Variants in SPHKAP observed in about 807,000 individuals in gnomAD.
SPHKAP encodes A-kinase anchor protein SPHKAP.
Under a neutral mutation model 137.5 loss-of-function variants are expected in SPHKAP, and 67 were observed. The ratio of observed to expected loss-of-function variants is 0.49; its 90% CI spans 0.40 to 0.60. The LOEUF is 0.60. Ranked by LOEUF, SPHKAP falls within the 20% of genes least tolerant of loss-of-function variation. The pLI, the probability that SPHKAP is intolerant of heterozygous loss-of-function variation, is 0.00. For synonymous variants in SPHKAP, 813 were observed against 785.3 expected, an observed-to-expected ratio of 1.04 and a Z score of -0.59; for missense variants, 2,097 against 2,069.3, an observed-to-expected ratio of 1.01 and a Z score of -0.26.
At chr2:228,110,670 G>A (rs1316551892) in intron 2 of SPHKAP, among the ~76,000 whole-genome samples, 3 of 152,098 alleles carry the variant, frequency 2.0e-5, no homozygotes, top group Non-Finnish European at 4.4e-5. Flanking sequence ...ATATTCTGTG[G>A]AGTTTTCCAG....
Position 228,019,198 on chromosome 2 carries a change from G to A in SPHKAP, c.1656C>T (p.Tyr552=). ...TGCCACACAAAGCAGATGGAAAGGA[G>A]TACTCATTGATGGAAGGTTCCTTGA... ...QGLKEPSINE[Y]SFPSALCGMT... is the part of the protein sequence containing the mutation. Residue 552 remains tyrosine, a synonymous_variant, in exon 7 of 12, where the codon TAC becomes TAT. Transcript: ENST00000392056. 2 of 1,613,776 alleles carry A rather than the reference G, an allele frequency of 1.2e-6. No individual in the cohort carries two copies. Among genetic ancestry groups the A allele is most frequent in the Non-Finnish European group, 1.7e-6 (2 of 1,180,034 alleles).
rs1168732658 is a variant in SPHKAP at position 228,005,972 on chromosome 2, A to AT, written c.4449-10279dup. Among the ~76,000 whole-genome samples, 14 of 151,922 alleles carry AT rather than the reference A, an allele frequency of 9.2e-5. 1 individual carries two copies. Among genetic ancestry groups the AT allele is most frequent in the South Asian group, 2.1e-4 (1 of 4,814 alleles). On this transcript the variant is annotated intron_variant, in intron 7 of 11. Transcript: ENST00000392056. Reference sequence around the variant, plus strand: ...ACCTTTCTCTTTGGCTGCCCTTAACATTTTTTCCTTCATTTCTTCTTTGAT... The same window carrying AT: ...ACCTTTCTCTTTGGCTGCCCTTAACATTTTTTTCCTTCATTTCTTCTTTGAT...
At chr2:228,076,004 A>G (rs1697169893) in intron 3 of SPHKAP, among the ~76,000 whole-genome samples, 4 of 152,174 alleles carry the variant, frequency 2.6e-5, no homozygotes, top group Admixed American at 1.3e-4. Context: ...AGGTGATTGA[A>G]TTATGGGGGC....
intron 1 of SPHKAP, among the ~76,000 whole-genome samples, chr2:228,141,083 G>A (rs1699591356): frequency 6.6e-6 from 1 of 152,148 alleles, no homozygotes; most frequent in South Asian, 2.1e-4. Context: ...ACCATACCAT[G>A]TTATTTTCCG....
Position 227,990,984 on chromosome 2 carries a change from A to G in SPHKAP, c.4959+16T>C, listed in dbSNP as rs1301414213. On this transcript the variant is annotated intron_variant, in intron 11 of 11. Coordinates refer to ENST00000392056, the MANE Select transcript of SPHKAP (RefSeq NM_001142644.2). ...AACACAAAGCTTTCTTGTTTTCCAA[A>G]CCTGGTACATGATACCTTTTCAATT... 1 of 1,610,562 alleles carries G rather than the reference A, an allele frequency of 6.2e-7. No individual in the cohort carries two copies. The highest frequency in any genetic ancestry group is 1.3e-5 in the African/African-American group (1 of 74,868).
chr2:228,158,668 A>T (rs538068178), intron 1 of SPHKAP, among the ~76,000 whole-genome samples: 2 of 152,226 alleles, frequency 1.3e-5, no homozygotes, highest in Non-Finnish European at 2.9e-5. Context: ...TTTTCAGTCT[A>T]GATTTATATT....
At chr2:228,143,384 A>G (rs1423413061) in intron 1 of SPHKAP, among the ~76,000 whole-genome samples, 1 of 152,196 alleles carries the variant, frequency 6.6e-6, no homozygotes, top group African/African-American at 2.4e-5. Context: ...TCTATGAAAT[A>G]TATGTATATA....
intron 7 of SPHKAP, chr2:227,995,907 C>A: frequency 1.0e-6 from 1 of 975,620 alleles, no homozygotes; most frequent in Non-Finnish European, 1.2e-6. Context: ...TTCTATTAAT[C>A]TCTTTCTACT....
intron 3 of SPHKAP, among the ~76,000 whole-genome samples, chr2:228,099,950 C>T (rs924373098): frequency 4.6e-5 from 7 of 151,904 alleles, no homozygotes; most frequent in East Asian, 1.9e-4. Context: ...CCTGGGTTCA[C>T]GCCATTCTCC....
chr2:228,061,520 T>A (rs914472251), intron 3 of SPHKAP, among the ~76,000 whole-genome samples: 3 of 152,008 alleles, frequency 2.0e-5, no homozygotes, highest in Non-Finnish European at 4.4e-5. Flanking sequence ...AATCTGCCTG[T>A]CTTGGCCTCC....
chr2:228,172,892 G>T, intron 1 of SPHKAP: 1 of 242,434 alleles, frequency 4.1e-6, no homozygotes, highest in Non-Finnish European at 6.6e-6. Context: ...TCCCTTCTGT[G>T]CACTTTGCAT....
At chr2:228,143,400 A>G (rs1699666521) in intron 1 of SPHKAP, among the ~76,000 whole-genome samples, 1 of 152,158 alleles carries the variant, frequency 6.6e-6, no homozygotes, top group Admixed American at 6.5e-5. Flanking sequence ...ATATAGAGAC[A>G]GGGCTGGATC....
At chr2:228,053,357 T>C (rs1696325675) in intron 3 of SPHKAP, among the ~76,000 whole-genome samples, 1 of 152,226 alleles carries the variant, frequency 6.6e-6, no homozygotes. Context: ...GGCTTTAGCA[T>C]ATTAATTTCA....
chr2:228,092,313 GTGTGTATA>G (rs1697796055), intron 3 of SPHKAP, among the ~76,000 whole-genome samples: 1 of 99,114 alleles, frequency 1.0e-5, no homozygotes, highest in African/African-American at 3.7e-5. Flanking sequence ...ACGTGTATGT[GTGTGTATA>G]CGTACACACA....
chr2:228,030,550 A>AC (rs1475266591), intron 3 of SPHKAP, among the ~76,000 whole-genome samples: 1 of 82,460 alleles, frequency 1.2e-5, no homozygotes, highest in Non-Finnish European at 2.4e-5. Flanking sequence ...AAACAAAAAA[A>AC]AAAAAATAAA....
intron 1 of SPHKAP, among the ~76,000 whole-genome samples, chr2:228,161,481 G>T (rs527775483): frequency 3.3e-5 from 5 of 152,122 alleles, no homozygotes; most frequent in Middle Eastern, 3.2e-3. Flanking sequence ...GCATATTCTC[G>T]CTTAAAAGTG....
intron 2 of SPHKAP, among the ~76,000 whole-genome samples, chr2:228,127,858 A>G (rs1325237814): frequency 2.0e-5 from 3 of 152,226 alleles, no homozygotes; most frequent in African/African-American, 7.2e-5. Context: ...CAATGCATAT[A>G]AAAGTTATGT....
At chr2:228,166,757 T>C (rs1183720712) in intron 1 of SPHKAP, among the ~76,000 whole-genome samples, 2 of 152,194 alleles carry the variant, frequency 1.3e-5, no homozygotes, top group African/African-American at 4.8e-5. Flanking sequence ...GGTTATTGTA[T>C]CATTCTTGCA....
At chr2:228,160,025 G>A (rs1220238931) in intron 1 of SPHKAP, among the ~76,000 whole-genome samples, 1 of 152,166 alleles carries the variant, frequency 6.6e-6, no homozygotes, top group Non-Finnish European at 1.5e-5. Context: ...TGCCAAACAA[G>A]ATCTTTAACA....
Sources: allele counts gnomAD v4.1 joint callset (sites outside exome capture counted in the v4.1 genomes callset), GRCh38; gene constraint gnomAD v4.1.1; transcripts MANE v1.5; gene names NCBI Gene and HGNC (gene_info 2026-07-23, HGNC 2026-07-21).